Variants in XPO4 observed in about 807,000 individuals in gnomAD.
XPO4 encodes the protein exportin-4.
XPO4 carries 39 observed loss-of-function variants against 143.0 expected under a neutral mutation model. That is an observed-to-expected ratio of 0.27 (90% CI 0.21 to 0.36). The LOEUF (loss-of-function observed/expected upper bound fraction) is 0.36. XPO4 is among the 10% of genes least tolerant of loss of function. XPO4 has a pLI of 1.00. For missense variants in XPO4, 907 were observed against 1,348.0 expected, an observed-to-expected ratio of 0.67 and a Z score of 5.12; for synonymous variants, 439 against 474.0, an observed-to-expected ratio of 0.93 and a Z score of 0.96.
intron 13 of XPO4, among the ~76,000 whole-genome samples, chr13:20,802,986 GT>G (rs1566568564): frequency 6.6e-6 from 1 of 152,142 alleles, no homozygotes; most frequent in Non-Finnish European, 1.5e-5. Context: ...TCCCCACTTA[GT>G]ACACGTATCT....
rs2059148981 is a variant in XPO4, at chr13:20,781,995, A to C, written c.*1727T>G. On this transcript the variant is annotated 3_prime_UTR_variant, in exon 23 of 23. Transcript: ENST00000255305. ...AATTTCCTTCCTAGCAGTCTTTTCAAGATGTTTTTGCTTCCCCTTAATTGT... is the reference window on the plus strand; with the variant it reads ...AATTTCCTTCCTAGCAGTCTTTTCACGATGTTTTTGCTTCCCCTTAATTGT... 6.6e-6 allele frequency: 1 copy of C among 152,238 alleles called. No individual in the cohort carries two copies. The highest frequency in any genetic ancestry group is 2.4e-5 in the African/African-American group (1 of 41,464). The allele number at this position is 152,238 out of a possible 1,614,324, so 9.4% of individuals were successfully genotyped here.
intron 13 of XPO4, among the ~76,000 whole-genome samples, chr13:20,802,557 C>A (rs1395464023): frequency 6.6e-6 from 1 of 152,078 alleles, no homozygotes; most frequent in Non-Finnish European, 1.5e-5. Context: ...TCCAGCCTAA[C>A]AAAATTCAAA....
Position 20,852,119 on chromosome 13 carries a change from C to T in XPO4, c.456+3508G>A, listed in dbSNP as rs914562534. ...AGGGCAGGCCGCATAAATTCTACCC[C>T]AATACCAAAATCCTGGCTGGAATGA... is the stretch of plus-strand genomic sequence containing the variant. On this transcript the variant is annotated intron_variant, in intron 4 of 22. Transcript: ENST00000255305. The T allele has an allele frequency of 1.0e-5, 10 of 985,266 alleles. No homozygotes were observed. The Admixed American group carries it at 6.2e-4, about 61-fold the overall frequency. The allele number at this position is 985,266 out of a possible 1,614,324, so 61.0% of individuals were successfully genotyped here.
At chr13:20,878,092 G>A (rs2060370141) in intron 1 of XPO4, among the ~76,000 whole-genome samples, 1 of 152,130 alleles carries the variant, frequency 6.6e-6, no homozygotes, top group Non-Finnish European at 1.5e-5. Flanking sequence ...AGCTACTCAA[G>A]AAGCTAAGTT....
chr13:20,806,360 T>C (rs994734218), intron 13 of XPO4, among the ~76,000 whole-genome samples: 10 of 152,150 alleles, frequency 6.6e-5, no homozygotes, highest in African/African-American at 1.9e-4. Flanking sequence ...ATGATATCCA[T>C]ATATTTTTGC....
chr13:20,840,251 C>T (rs2059961355), intron 6 of XPO4, among the ~76,000 whole-genome samples: 2 of 151,778 alleles, frequency 1.3e-5, no homozygotes, highest in Non-Finnish European at 2.9e-5. Context: ...TTCTGTCGCC[C>T]AGGGTGAGTG....
At chr13:20,792,504 G>A (rs1004655146) in intron 18 of XPO4, among the ~76,000 whole-genome samples, 1 of 152,146 alleles carries the variant, frequency 6.6e-6, no homozygotes, top group African/African-American at 2.4e-5. Flanking sequence ...AGGAGGCAGA[G>A]GTTGCAGTGA....
At chr13:20,849,958 T>C (rs536179470) in intron 4 of XPO4, 1 of 561,230 alleles carries the variant, frequency 1.8e-6, no homozygotes, top group African/African-American at 2.0e-5. Flanking sequence ...ATATAAAAAT[T>C]AGCCGGGCAT....
chr13:20,846,149 T>C (rs2060026831), intron 4 of XPO4, among the ~76,000 whole-genome samples: 1 of 152,234 alleles, frequency 6.6e-6, no homozygotes, highest in Admixed American at 6.5e-5. Context: ...ACAAGTAATT[T>C]ACAGCTTTCC....
rs184683593 is a variant in XPO4 at position 20,844,339 on chromosome 13, C to T, written c.457-453G>A. On this transcript the variant is annotated intron_variant, in intron 4 of 22. Transcript: ENST00000255305. Reference sequence around the variant, plus strand: ...CCGTTCTGTTTGTAAAATGCATTCCCAAATAGATGAAAAGTGAAACAGATT... The same window carrying T: ...CCGTTCTGTTTGTAAAATGCATTCCTAAATAGATGAAAAGTGAAACAGATT... Among the ~76,000 whole-genome samples, 522 of 152,188 alleles carry T rather than the reference C, an allele frequency of 3.4e-3. 3 individuals carry two copies. Among genetic ancestry groups the T allele is most frequent in the Middle Eastern group, 3.4e-3 (1 of 294 alleles).
At chr13:20,810,698 G>C (rs770834813) in intron 9 of XPO4, among the ~76,000 whole-genome samples, 3 of 152,152 alleles carry the variant, frequency 2.0e-5, no homozygotes, top group Non-Finnish European at 1.5e-5. Flanking sequence ...GCTTCTTCTT[G>C]CCCAAAGCTC....
At chr13:20,857,652 G>A (rs890896517) in intron 3 of XPO4, among the ~76,000 whole-genome samples, 6 of 152,090 alleles carry the variant, frequency 3.9e-5, no homozygotes, top group East Asian at 3.9e-4. Context: ...GCATGAACCC[G>A]GGAGGCGGAG....
intron 3 of XPO4, 63 bp downstream of exon 3, chr13:20,862,654 G>A: frequency 6.3e-7 from 1 of 1,591,476 alleles, no homozygotes; most frequent in South Asian, 1.1e-5. Flanking sequence ...AACAAAAAAA[G>A]CTCTAAAAAG....
intron 15 of XPO4, among the ~76,000 whole-genome samples, chr13:20,799,705 G>GTAA (rs757498720): frequency 7.2e-5 from 11 of 152,060 alleles, no homozygotes; most frequent in Non-Finnish European, 8.8e-5. Context: ...AATGACAATG[G>GTAA]TAATAATAAC....
At chr13:20,886,210 T>C (rs977427839) in intron 1 of XPO4, among the ~76,000 whole-genome samples, 16 of 152,200 alleles carry the variant, frequency 1.1e-4, no homozygotes, top group Non-Finnish European at 2.2e-4. Context: ...GGTATGTATG[T>C]GACATATTAC....
At chr13:20,789,539 C>T (rs979224809) in intron 19 of XPO4, among the ~76,000 whole-genome samples, 3 of 151,752 alleles carry the variant, frequency 2.0e-5, no homozygotes, top group Non-Finnish European at 4.4e-5. Context: ...GGACTACAGG[C>T]GCCCACCACC....
At chr13:20,848,646 G>A (rs1261613024) in intron 4 of XPO4, 1 of 985,116 alleles carries the variant, frequency 1.0e-6, no homozygotes, top group Non-Finnish European at 1.2e-6. Context: ...TTAAAAAACA[G>A]AGCTATAACT....
intron 1 of XPO4, chr13:20,879,346 C>G (rs759922404): frequency 1.2e-5 from 12 of 977,000 alleles, no homozygotes; most frequent in Middle Eastern, 1.0e-3. Flanking sequence ...ATTAACTTGC[C>G]GGTCTGGACC....
intron 1 of XPO4, among the ~76,000 whole-genome samples, chr13:20,883,448 A>T (rs921375394): frequency 7.2e-5 from 11 of 152,252 alleles, no homozygotes; most frequent in Non-Finnish European, 1.6e-4. Flanking sequence ...AAAGCAGTCA[A>T]AGAAAAAAGA....
Sources: allele counts gnomAD v4.1 joint callset (sites outside exome capture counted in the v4.1 genomes callset), GRCh38; gene constraint gnomAD v4.1.1; transcripts MANE v1.5; gene names NCBI Gene and HGNC (gene_info 2026-07-23, HGNC 2026-07-21).